TMEM135: variants seen among roughly 807,000 people sequenced by gnomAD.
TMEM135 encodes the protein peroxisomal membrane protein 52.
In TMEM135, 30 loss-of-function variants were observed where a neutral mutation model predicts 60.3. That is an observed-to-expected ratio of 0.50 (90% CI 0.37 to 0.68). The LOEUF (loss-of-function observed/expected upper bound fraction) is 0.68. Ranked by LOEUF, TMEM135 falls within the 30% of genes least tolerant of loss-of-function variation. The pLI, the probability that TMEM135 is intolerant of heterozygous loss-of-function variation, is 0.00. For synonymous variants in TMEM135, 190 were observed against 186.7 expected, an observed-to-expected ratio of 1.02 and a Z score of -0.14; for missense variants, 468 against 548.8, an observed-to-expected ratio of 0.85 and a Z score of 1.47.
intron 6 of TMEM135, among the ~76,000 whole-genome samples, chr11:87,271,865 A>C (rs1941869970): frequency 6.6e-6 from 1 of 151,824 alleles, no homozygotes; most frequent in South Asian, 2.1e-4. Flanking sequence ...GAGCTCAGGA[A>C]GTCGAGGCTG....
At chr11:87,189,799 C>T (rs1255880625) in intron 5 of TMEM135, among the ~76,000 whole-genome samples, 2 of 148,942 alleles carry the variant, frequency 1.3e-5, no homozygotes, top group African/African-American at 2.5e-5. Flanking sequence ...TGCCTGTAGT[C>T]CCAGCTACTT....
chr11:87,221,921 G>A (rs1225930289), intron 5 of TMEM135, among the ~76,000 whole-genome samples: 2 of 152,082 alleles, frequency 1.3e-5, no homozygotes, highest in Admixed American at 6.6e-5. Context: ...GCTGGGGCCC[G>A]GCACCGTGGT....
At chr11:87,056,460 G>C (rs996774389) in intron 1 of TMEM135, among the ~76,000 whole-genome samples, 1 of 152,080 alleles carries the variant, frequency 6.6e-6, no homozygotes. Context: ...TTTTCCCATG[G>C]TTAAATTTCA....
At chr11:87,182,308 G>A (rs565970624) in intron 5 of TMEM135, among the ~76,000 whole-genome samples, 2 of 152,162 alleles carry the variant, frequency 1.3e-5, no homozygotes, top group East Asian at 3.9e-4. Flanking sequence ...TTTTGATTGT[G>A]TTTAAGTTAT....
intron 5 of TMEM135, among the ~76,000 whole-genome samples, chr11:87,216,547 C>T (rs214740): frequency 0.48 from 72,456 of 151,754 alleles, 18,511 homozygotes; most frequent in Non-Finnish European, 0.58. Flanking sequence ...GTACCTTATC[C>T]TACCTCAGGC....
chr11:87,261,620 A>G (rs112816342), intron 6 of TMEM135, among the ~76,000 whole-genome samples: 4,052 of 152,162 alleles, frequency 0.027, 82 homozygotes, highest in Non-Finnish European at 0.038. Flanking sequence ...AACAGTTTGC[A>G]TATATCCTTC....
intron 1 of TMEM135, among the ~76,000 whole-genome samples, chr11:87,045,407 C>A (rs1029422850): frequency 6.6e-6 from 1 of 152,096 alleles, no homozygotes; most frequent in Non-Finnish European, 1.5e-5. Context: ...TCTAGCATGT[C>A]GCTTCCAGTT....
rs892872897 is a variant in TMEM135 at position 87,198,241 on chromosome 11, A to G, written c.463-38397A>G. ...TTTTTAGTTCCCATATTTGAGTAAG[A>G]ATGTATGTCAAAATCCGTTTTACAA... On this transcript the variant is annotated intron_variant, in intron 5 of 14. Coordinates refer to ENST00000305494, the MANE Select transcript of TMEM135 (RefSeq NM_022918.4). 5.3e-5 allele frequency among the ~76,000 whole-genome samples: 8 copies of G among 152,182 alleles called. No individual in the cohort carries two copies. In the South Asian group the frequency reaches 8.3e-4, roughly 16 times the overall value.
At chr11:87,163,649 C>T (rs898314087) in intron 5 of TMEM135, among the ~76,000 whole-genome samples, 2 of 151,716 alleles carry the variant, frequency 1.3e-5, no homozygotes, top group Admixed American at 6.6e-5. Context: ...TTTACAGTCC[C>T]ACCAACAGTG....
intron 5 of TMEM135, among the ~76,000 whole-genome samples, chr11:87,168,897 A>C (rs1939145760): frequency 6.6e-6 from 1 of 151,618 alleles, no homozygotes; most frequent in Non-Finnish European, 1.5e-5. Flanking sequence ...ATGGACGATG[A>C]GGTGTTAAAC....
chr11:87,134,682 C>T (rs1264346597), intron 4 of TMEM135, among the ~76,000 whole-genome samples: 2 of 152,178 alleles, frequency 1.3e-5, no homozygotes. Flanking sequence ...GTGGGGTTCT[C>T]ACTATGTTGC....
chr11:87,189,758 G>GAAAAAAAAA (rs796303818), intron 5 of TMEM135, among the ~76,000 whole-genome samples: 2 of 115,556 alleles, frequency 1.7e-5, no homozygotes, highest in Non-Finnish European at 3.6e-5. Context: ...CGTCTCCACA[G>GAAAAAAAAA]AAAAAAAAAA....
chr11:87,060,075 T>C (rs1263836462), intron 1 of TMEM135, among the ~76,000 whole-genome samples: 1 of 151,864 alleles, frequency 6.6e-6, no homozygotes, highest in African/African-American at 2.4e-5. Context: ...ATCGCGCCAC[T>C]GCACTCCAGC....
intron 9 of TMEM135, among the ~76,000 whole-genome samples, 180 bp downstream of exon 9, chr11:87,306,185 A>T (rs990377621): frequency 2.0e-5 from 3 of 152,232 alleles, no homozygotes; most frequent in Non-Finnish European, 4.4e-5. Flanking sequence ...AGCTTTTAGT[A>T]TTCACTTACC....
At chr11:87,210,157 A>G (rs1319634209) in intron 5 of TMEM135, among the ~76,000 whole-genome samples, 1 of 152,160 alleles carries the variant, frequency 6.6e-6, no homozygotes, top group East Asian at 1.9e-4. Flanking sequence ...GAAGAAAATA[A>G]CCTAAATTAG....
At chr11:87,051,479 A>G (rs1949840947) in intron 1 of TMEM135, among the ~76,000 whole-genome samples, 1 of 64,772 alleles carries the variant, frequency 1.5e-5, no homozygotes, top group Non-Finnish European at 2.4e-5. Flanking sequence ...CTCAGGATAC[A>G]AAATCAATGT....
At chr11:87,090,905 AATTGT>A (rs879883774) in intron 3 of TMEM135, among the ~76,000 whole-genome samples, 14 of 152,102 alleles carry the variant, frequency 9.2e-5, no homozygotes, top group Non-Finnish European at 1.8e-4. Flanking sequence ...TTAATGAAAC[AATTGT>A]ATTGTGTGTG....
intron 12 of TMEM135, among the ~76,000 whole-genome samples, chr11:87,317,304 A>G (rs952538057): frequency 3.3e-5 from 5 of 152,098 alleles, no homozygotes; most frequent in Non-Finnish European, 7.4e-5. Flanking sequence ...TAAATCTTCA[A>G]CATGAATACA....
At chr11:87,131,869 G>A (rs939802272) in intron 4 of TMEM135, among the ~76,000 whole-genome samples, 2 of 152,122 alleles carry the variant, frequency 1.3e-5, no homozygotes, top group African/African-American at 4.8e-5. Context: ...CCCATCGCTT[G>A]CATTGCCGCC....
Sources: gnomAD v4.1 joint callset for allele counts (sites outside exome capture counted in the v4.1 genomes callset) on GRCh38, gnomAD v4.1.1 for gene constraint, MANE v1.5 for transcripts, NCBI Gene and HGNC (gene_info 2026-07-23, HGNC 2026-07-21) for gene names.